The following ARHGAP6 variants were observed in gnomAD, a reference collection of about 807,000 sequenced individuals.
ARHGAP6 encodes the protein rho GTPase-activating protein 6.
A neutral mutation model predicts 55.7 loss-of-function variants in ARHGAP6; 16 were observed. That is an observed-to-expected ratio of 0.29 (90% confidence interval 0.19 to 0.44). The LOEUF (loss-of-function observed/expected upper bound fraction) is 0.44. Ranked by LOEUF, ARHGAP6 falls within the 20% of genes least tolerant of loss-of-function variation. The probability of loss-of-function intolerance (pLI) is 1.00; values close to 1 mark genes in which losing one functional copy is unlikely to be tolerated. For synonymous variants in ARHGAP6, 382 were observed against 360.9 expected (o/e 1.06, Z -0.66); for missense variants, 698 against 808.9 (o/e 0.86, Z 1.66).
intron 1 of ARHGAP6, among the ~76,000 whole-genome samples, chrX:11,537,060 T>C (rs928893685): frequency 2.7e-5 from 3 of 112,409 alleles, no homozygotes; most frequent in African/African-American, 9.7e-5. Flanking sequence ...GTTCTCTTCT[T>C]CTGTCACAGT....
At chrX:11,387,140 G>A (rs1261003861) in intron 1 of ARHGAP6, among the ~76,000 whole-genome samples, 4 of 112,177 alleles carry the variant, frequency 3.6e-5, no homozygotes, top group African/African-American at 1.3e-4. Flanking sequence ...GCAGGCTACA[G>A]GGAAATGTGG....
intron 8 of ARHGAP6, among the ~76,000 whole-genome samples, chrX:11,176,538 T>C (rs1244561008): frequency 9.4e-6 from 1 of 106,217 alleles, no homozygotes; most frequent in African/African-American, 3.4e-5. Context: ...ATGAGTTCGA[T>C]TGGAACTTTT....
intron 1 of ARHGAP6, among the ~76,000 whole-genome samples, chrX:11,375,282 T>C (rs1037217508): frequency 9.8e-5 from 11 of 112,260 alleles, no homozygotes; most frequent in Non-Finnish European, 2.1e-4. Flanking sequence ...TTCTCTGCAA[T>C]GTCCATACAT....
chrX:11,572,280 C>T (rs1396729115), intron 1 of ARHGAP6, among the ~76,000 whole-genome samples: 5 of 109,465 alleles, frequency 4.6e-5, no homozygotes, highest in Non-Finnish European at 9.5e-5. Context: ...GCTGGTGTGC[C>T]GTACCCATTA....
At chrX:11,220,285 C>T (rs1866565366) in intron 2 of ARHGAP6, among the ~76,000 whole-genome samples, 1 of 110,993 alleles carries the variant, frequency 9.0e-6, no homozygotes, top group African/African-American at 3.3e-5. Flanking sequence ...TGTTTTACAC[C>T]ACAAAGATAC....
chrX:11,386,888 C>T (rs1327194201), intron 1 of ARHGAP6, among the ~76,000 whole-genome samples: 1 of 111,590 alleles, frequency 9.0e-6, no homozygotes, highest in African/African-American at 3.3e-5. Context: ...GGAAGAAATA[C>T]CCGCTTAAAA....
At chrX:11,662,766 G>A (rs769319467) in intron 1 of ARHGAP6, among the ~76,000 whole-genome samples, 5 of 112,537 alleles carry the variant, frequency 4.4e-5, no homozygotes, top group South Asian at 3.7e-4. Flanking sequence ...TTTTAAGCAC[G>A]AATGTTAGCT....
intron 1 of ARHGAP6, among the ~76,000 whole-genome samples, chrX:11,584,712 C>T (rs2051705964): frequency 8.9e-6 from 1 of 112,159 alleles, no homozygotes; most frequent in African/African-American, 3.2e-5. Context: ...CCACCTAAGT[C>T]TCTTATCTAT....
intron 1 of ARHGAP6, among the ~76,000 whole-genome samples, chrX:11,322,609 C>T (rs898589678): frequency 8.9e-6 from 1 of 112,074 alleles, no homozygotes; most frequent in Non-Finnish European, 1.9e-5. Context: ...ATCCACCTGC[C>T]TTGGCCTTCC....
chrX:11,365,254 C>A (rs1317498709), intron 1 of ARHGAP6, among the ~76,000 whole-genome samples: 2 of 112,100 alleles, frequency 1.8e-5, no homozygotes, highest in Non-Finnish European at 3.8e-5. Context: ...ACCCAACATC[C>A]TGACATTCTG....
At chrX:11,482,452 T>C (rs1488437186) in intron 1 of ARHGAP6, among the ~76,000 whole-genome samples, 1 of 111,619 alleles carries the variant, frequency 9.0e-6, no homozygotes, top group Non-Finnish European at 1.9e-5. Flanking sequence ...TTGGGGAATG[T>C]GCAGAGGGCT....
At chrX:11,336,858 G>T (rs1422462115) in intron 1 of ARHGAP6, among the ~76,000 whole-genome samples, 1 of 111,481 alleles carries the variant, frequency 9.0e-6, no homozygotes, top group African/African-American at 3.3e-5. Flanking sequence ...GCCACTACAG[G>T]GAAATAATGC....
At chrX:11,365,269 GTAC>G (rs1326264998) in intron 1 of ARHGAP6, among the ~76,000 whole-genome samples, 1 of 111,893 alleles carries the variant, frequency 8.9e-6, no homozygotes, top group Non-Finnish European at 1.9e-5. Context: ...ATTCTGTATG[GTAC>G]CCAGATCGTA....
At chrX:11,417,393 A>G (rs961301334) in intron 1 of ARHGAP6, among the ~76,000 whole-genome samples, 1 of 108,615 alleles carries the variant, frequency 9.2e-6, no homozygotes, top group African/African-American at 3.4e-5. Context: ...GCGGTGATGG[A>G]CCAGCTGTGT....
At chrX:11,357,738 T>G (rs2048950255) in intron 1 of ARHGAP6, among the ~76,000 whole-genome samples, 1 of 111,719 alleles carries the variant, frequency 9.0e-6, no homozygotes, top group Non-Finnish European at 1.9e-5. Flanking sequence ...GAAATTATCT[T>G]GGGTATCCTA....
Position 11,178,237 on chromosome X carries a change from C to T in ARHGAP6, c.1492G>A (p.Glu498Lys). The T allele has an allele frequency of 8.3e-7, 1 of 1,205,770 alleles. No individual in the cohort carries two copies. Among genetic ancestry groups the T allele is most frequent in the Middle Eastern group, 2.3e-4 (1 of 4,288 alleles). Reference sequence around the variant, plus strand: ...AGCTGCAAGGTGCCCAGCTGTTCCTCCGGCTCCAACACTAAGCAAGGCAAA... The same window carrying T: ...AGCTGCAAGGTGCCCAGCTGTTCCTTCGGCTCCAACACTAAGCAAGGCAAA... ...AFINTLLLEP[E>K]EQLGTLQLLI... The change falls in exon 8 of 13, where the codon GAG becomes AAG. Residue 498 changes from glutamate (E) to lysine (K), a missense_variant. Physicochemically the swap from Glu to Lys is moderately conservative, Grantham distance 56. Around this residue, in one of 3 missense-constraint regions of ARHGAP6, gnomAD observed 322 missense variants for 451.1 expected, o/e 0.71. Coordinates refer to ENST00000337414, the MANE Select transcript of ARHGAP6 (RefSeq NM_013427.3).
chrX:11,181,985 G>A, intron 6 of ARHGAP6, 78 bp downstream of exon 6: 1 of 783,031 alleles, frequency 1.3e-6, no homozygotes, highest in Non-Finnish European at 1.9e-6. Context: ...AATGGAATTT[G>A]CATAAACTTG....
intron 2 of ARHGAP6, among the ~76,000 whole-genome samples, chrX:11,202,536 G>A (rs2046643566): frequency 2.7e-5 from 3 of 111,071 alleles, no homozygotes; most frequent in African/African-American, 9.8e-5. Flanking sequence ...GGGTGGGCAT[G>A]GTGGTTCACA....
intron 1 of ARHGAP6, among the ~76,000 whole-genome samples, chrX:11,267,669 C>T (rs183961351): frequency 5.3e-5 from 6 of 112,252 alleles, no homozygotes; most frequent in African/African-American, 3.2e-5. Context: ...ATAAATGTTT[C>T]GTAAGAAGGT....
Sources: gnomAD v4.1 joint callset for allele counts (sites outside exome capture counted in the v4.1 genomes callset) on GRCh38, gnomAD v4.1.1 for gene constraint, gnomAD v4.1.1 regional missense constraint, MANE v1.5 for transcripts, NCBI Gene and HGNC (gene_info 2026-07-23, HGNC 2026-07-21) for gene names.